Variants in GRM7 observed in about 807,000 individuals in gnomAD.
GRM7 encodes the protein glutamate metabotropic receptor 7.
Under a neutral mutation model 84.5 loss-of-function variants are expected in GRM7, and 35 were observed. That is an observed-to-expected ratio of 0.41 (90% CI 0.32 to 0.55). GRM7 has a LOEUF of 0.55. Ranked by LOEUF, GRM7 falls within the 20% of genes least tolerant of loss-of-function variation. The pLI is 0.19. For missense variants in GRM7, 1,003 were observed against 1,194.6 expected (o/e 0.84, Z 2.36); for synonymous variants, 487 against 455.1 (o/e 1.07, Z -0.89).
At chr3:7,089,981 T>C (rs969445822) in intron 1 of GRM7, among the ~76,000 whole-genome samples, 18 of 152,074 alleles carry the variant, frequency 1.2e-4, no homozygotes, top group African/African-American at 4.1e-4. Flanking sequence ...TAGCTGGGAT[T>C]ACAGGTGCGC....
chr3:7,534,509 T>A (rs1448558920), intron 7 of GRM7, among the ~76,000 whole-genome samples: 1 of 152,208 alleles, frequency 6.6e-6, no homozygotes, highest in Non-Finnish European at 1.5e-5. Context: ...TTTTAACCAC[T>A]ATGCTTTACT....
chr3:7,464,083 T>C (rs530276055), intron 7 of GRM7, among the ~76,000 whole-genome samples: 1 of 152,258 alleles, frequency 6.6e-6, no homozygotes, highest in South Asian at 2.1e-4. Flanking sequence ...ACAGCACATA[T>C]TACCGGGCCC....
intron 2 of GRM7, among the ~76,000 whole-genome samples, chr3:7,239,559 C>T (rs1477413835): frequency 6.6e-6 from 1 of 152,136 alleles, no homozygotes; most frequent in East Asian, 1.9e-4. Context: ...AACATTATTT[C>T]ACGGTGTGTC....
intron 1 of GRM7, among the ~76,000 whole-genome samples, chr3:6,995,360 T>C (rs1444169811): frequency 6.6e-6 from 1 of 152,230 alleles, no homozygotes; most frequent in East Asian, 1.9e-4. Flanking sequence ...GACATGTCTG[T>C]GTTGCAAGAA....
At chr3:7,009,289 A>G (rs1004385203) in intron 1 of GRM7, among the ~76,000 whole-genome samples, 1 of 152,194 alleles carries the variant, frequency 6.6e-6, no homozygotes, top group African/African-American at 2.4e-5. Flanking sequence ...ACATGTACTG[A>G]GTATTTCTTG....
intron 2 of GRM7, among the ~76,000 whole-genome samples, chr3:7,178,233 C>T (rs1211076269): frequency 6.6e-6 from 1 of 152,192 alleles, no homozygotes; most frequent in African/African-American, 2.4e-5. Flanking sequence ...CTGAAAGTAA[C>T]ATCTCCAATA....
chr3:7,179,828 T>C (rs1695278364), intron 2 of GRM7, among the ~76,000 whole-genome samples: 1 of 152,196 alleles, frequency 6.6e-6, no homozygotes, highest in Non-Finnish European at 1.5e-5. Context: ...ATAGGAATAA[T>C]TGAAAAATAG....
intron 1 of GRM7, among the ~76,000 whole-genome samples, chr3:6,959,822 A>G (rs188314554): frequency 6.6e-6 from 1 of 152,262 alleles, no homozygotes; most frequent in East Asian, 1.9e-4. Flanking sequence ...TGGTGATTTT[A>G]AAATGTGGTG....
intron 1 of GRM7, among the ~76,000 whole-genome samples, chr3:6,956,400 A>C (rs905217639): frequency 6.6e-6 from 1 of 152,186 alleles, no homozygotes. Flanking sequence ...AGGATTAATC[A>C]TTACAGAGAA....
intron 5 of GRM7, among the ~76,000 whole-genome samples, chr3:7,427,852 A>G (rs1247028811): frequency 6.6e-6 from 1 of 152,200 alleles, no homozygotes; most frequent in Non-Finnish European, 1.5e-5. Flanking sequence ...AGGGTCAGCG[A>G]GGTTAATGAC....
At chr3:6,973,562 C>T (rs1236998180) in intron 1 of GRM7, among the ~76,000 whole-genome samples, 1 of 151,854 alleles carries the variant, frequency 6.6e-6, no homozygotes, top group Non-Finnish European at 1.5e-5. Flanking sequence ...AGAAACAAAG[C>T]AAGAGAAAGG....
At chr3:7,037,915 G>T (rs1013546597) in intron 1 of GRM7, among the ~76,000 whole-genome samples, 9 of 152,016 alleles carry the variant, frequency 5.9e-5, no homozygotes, top group African/African-American at 2.2e-4. Context: ...CATAAACATG[G>T]AAATGTATTC....
At chr3:7,564,680 G>T (rs1443812919) in intron 7 of GRM7, among the ~76,000 whole-genome samples, 1 of 152,074 alleles carries the variant, frequency 6.6e-6, no homozygotes, top group African/African-American at 2.4e-5. Flanking sequence ...TCGTTATTTA[G>T]GTAACTGCCA....
intron 4 of GRM7, among the ~76,000 whole-genome samples, chr3:7,334,425 C>T (rs1701323891): frequency 6.6e-6 from 1 of 151,744 alleles, no homozygotes; most frequent in Non-Finnish European, 1.5e-5. Context: ...AAAATAAAAC[C>T]TGAAAATATA....
At chr3:7,388,289 T>C (rs1198121470) in intron 4 of GRM7, among the ~76,000 whole-genome samples, 1 of 152,110 alleles carries the variant, frequency 6.6e-6, no homozygotes, top group Non-Finnish European at 1.5e-5. Flanking sequence ...TGTTTCTTTC[T>C]CTTGCCTGAT....
intron 1 of GRM7, among the ~76,000 whole-genome samples, chr3:7,114,746 T>G (rs552133144): frequency 1.3e-5 from 2 of 152,258 alleles, no homozygotes; most frequent in Non-Finnish European, 2.9e-5. Context: ...TTAGAATAAA[T>G]TGGGAGTATA....
chr3:7,639,113 C>G (rs907962387), intron 8 of GRM7, among the ~76,000 whole-genome samples: 1 of 152,202 alleles, frequency 6.6e-6, no homozygotes, highest in Non-Finnish European at 1.5e-5. Flanking sequence ...CCAGACAACT[C>G]GAAGACAATC....
At position 6,946,220 on chromosome 3, in the gene GRM7, T is replaced by G. The variant is rs554803561; in HGVS notation, c.519+84313T>G. 2.7e-3 allele frequency among the ~76,000 whole-genome samples: 417 copies of G among 152,332 alleles called. 4 individuals carry two copies. The highest frequency in any genetic ancestry group is 9.4e-3 in the African/African-American group (390 of 41,578). Reference sequence around the variant, plus strand: ...CTAACATTTAAGTCTTTAATCCATCTTGAATTAATTTTTGTATAAGGTGTA... The same window carrying G: ...CTAACATTTAAGTCTTTAATCCATCGTGAATTAATTTTTGTATAAGGTGTA... On this transcript the variant is annotated intron_variant, in intron 1 of 9. Transcript: ENST00000357716.
At chr3:7,355,256 G>C (rs1693343206) in intron 4 of GRM7, among the ~76,000 whole-genome samples, 2 of 152,094 alleles carry the variant, frequency 1.3e-5, no homozygotes, top group Admixed American at 1.3e-4. Context: ...ACGACTATTT[G>C]GATTTTGGAG....
Sources: allele counts gnomAD v4.1 joint callset (sites outside exome capture counted in the v4.1 genomes callset), GRCh38; gene constraint gnomAD v4.1.1; transcripts MANE v1.5; gene names NCBI Gene and HGNC (gene_info 2026-07-23, HGNC 2026-07-21).